PTPRG: variants seen among roughly 807,000 people sequenced by gnomAD.
PTPRG encodes protein tyrosine phosphatase receptor type G.
A neutral mutation model predicts 165.3 loss-of-function variants in PTPRG; 102 were observed. The observed-to-expected ratio is 0.62, with a 90% CI of 0.53 to 0.73. PTPRG has a LOEUF of 0.73. Ranked by LOEUF, PTPRG falls within the 30% of genes least tolerant of loss-of-function variation. PTPRG has a pLI of 0.00. For missense variants in PTPRG, 1,866 were observed against 1,861.4 expected (o/e 1.00, Z -0.05); for synonymous variants, 675 against 669.5 (o/e 1.01, Z -0.13).
At chr3:61,568,632 T>C (rs28439601) in intron 1 of PTPRG, among the ~76,000 whole-genome samples, 63,367 of 151,860 alleles carry the variant, frequency 0.42, 13,428 homozygotes, top group East Asian at 0.61. Flanking sequence ...TTTTTTGGCC[T>C]GGCATGGTGG....
At chr3:61,934,068 G>A (rs150911900) in intron 2 of PTPRG, among the ~76,000 whole-genome samples, 1 of 152,318 alleles carries the variant, frequency 6.6e-6, no homozygotes, top group African/African-American at 2.4e-5. Context: ...CTCACTTTGT[G>A]GGGACATTTA....
At chr3:62,011,530 C>T (rs1471981802) in intron 4 of PTPRG, among the ~76,000 whole-genome samples, 1 of 152,186 alleles carries the variant, frequency 6.6e-6, no homozygotes, top group Non-Finnish European at 1.5e-5. Flanking sequence ...CTAGTAGTGA[C>T]TTCCATCAAA....
chr3:62,073,309 A>T (rs1701270306), intron 4 of PTPRG, among the ~76,000 whole-genome samples: 1 of 152,206 alleles, frequency 6.6e-6, no homozygotes, highest in African/African-American at 2.4e-5. Context: ...TATTTATCTC[A>T]TGCCAAAGTA....
At chr3:61,684,298 C>T (rs1267190408) in intron 1 of PTPRG, among the ~76,000 whole-genome samples, 1 of 152,188 alleles carries the variant, frequency 6.6e-6, no homozygotes, top group African/African-American at 2.4e-5. Flanking sequence ...CCCCTCCAGG[C>T]TGTGCTGTCG....
chr3:61,601,471 T>A (rs1381036640), intron 1 of PTPRG, among the ~76,000 whole-genome samples: 2 of 152,198 alleles, frequency 1.3e-5, no homozygotes, highest in African/African-American at 4.8e-5. Context: ...ATTATATCCT[T>A]TGGGTAATCT....
chr3:62,130,657 T>A (rs139156244), intron 5 of PTPRG, among the ~76,000 whole-genome samples: 140 of 152,346 alleles, frequency 9.2e-4, no homozygotes, highest in African/African-American at 3.2e-3. Context: ...CTCTTGAAAC[T>A]TGGCCACTTT....
intron 5 of PTPRG, among the ~76,000 whole-genome samples, chr3:62,096,970 A>G (rs1167582990): frequency 1.3e-5 from 2 of 152,198 alleles, no homozygotes; most frequent in African/African-American, 4.8e-5. Context: ...TTACTAGCCC[A>G]TCTTAGAAAT....
intron 2 of PTPRG, among the ~76,000 whole-genome samples, chr3:61,753,866 G>A (rs1038785295): frequency 2.0e-5 from 3 of 152,112 alleles, no homozygotes; most frequent in African/African-American, 7.2e-5. Context: ...AAAGTGCTGG[G>A]ATTACAAGTG....
At chr3:61,633,859 G>A (rs903798294) in intron 1 of PTPRG, among the ~76,000 whole-genome samples, 2 of 150,830 alleles carry the variant, frequency 1.3e-5, no homozygotes, top group African/African-American at 4.9e-5. Context: ...CCTTTTTCAG[G>A]TTGAGGAAGT....
chr3:61,949,997 C>T (rs937561934), intron 2 of PTPRG, among the ~76,000 whole-genome samples: 4 of 152,176 alleles, frequency 2.6e-5, no homozygotes, highest in African/African-American at 4.8e-5. Flanking sequence ...CCGCCTGCCT[C>T]GCCCTCCCAA....
chr3:61,783,882 C>T (rs1277059108), intron 2 of PTPRG, among the ~76,000 whole-genome samples: 1 of 152,106 alleles, frequency 6.6e-6, no homozygotes, highest in Non-Finnish European at 1.5e-5. Flanking sequence ...TGACAGGGAT[C>T]TGTGCAGTGA....
chr3:62,205,439 G>A (rs956675717), intron 12 of PTPRG, among the ~76,000 whole-genome samples: 1 of 152,144 alleles, frequency 6.6e-6, no homozygotes, highest in Non-Finnish European at 1.5e-5. Context: ...TCTTCTCTTG[G>A]GGTTTGCATT....
intron 1 of PTPRG, among the ~76,000 whole-genome samples, chr3:61,582,899 C>CATG (rs1293288132): frequency 6.6e-6 from 1 of 152,102 alleles, no homozygotes; most frequent in East Asian, 1.9e-4. Flanking sequence ...AAGACTGAAG[C>CATG]TAATAACATG....
chr3:61,675,237 G>A (rs945292852), intron 1 of PTPRG, among the ~76,000 whole-genome samples: 1 of 152,072 alleles, frequency 6.6e-6, no homozygotes, highest in Non-Finnish European at 1.5e-5. Context: ...TATGTTGGTG[G>A]CTTGGATAAC....
intron 1 of PTPRG, among the ~76,000 whole-genome samples, chr3:61,578,379 A>T (rs1241049805): frequency 6.6e-6 from 1 of 152,210 alleles, no homozygotes; most frequent in Non-Finnish European, 1.5e-5. Flanking sequence ...GTATTTCATG[A>T]ATAGCCAAGC....
At chr3:62,080,235 ATTTTTTT>A (rs3068435) in intron 5 of PTPRG, among the ~76,000 whole-genome samples, 1 of 146,222 alleles carries the variant, frequency 6.8e-6, no homozygotes. Flanking sequence ...TGCCCAGCTA[ATTTTTTT>A]TTTTTGTATT....
intron 1 of PTPRG, among the ~76,000 whole-genome samples, chr3:61,654,876 G>T (rs1447185234): frequency 1.3e-5 from 2 of 150,694 alleles, no homozygotes; most frequent in Non-Finnish European, 2.9e-5. Flanking sequence ...CTGCCTCCCG[G>T]GTTCAAGAGA....
At chr3:61,979,283 C>T (rs753817960) in intron 2 of PTPRG, among the ~76,000 whole-genome samples, 5 of 152,166 alleles carry the variant, frequency 3.3e-5, no homozygotes, top group Non-Finnish European at 7.4e-5. Flanking sequence ...CTGCTCATCA[C>T]AGATGTTTTG....
chr3:61,873,694 C>T (rs2037646873), intron 2 of PTPRG, among the ~76,000 whole-genome samples: 1 of 152,096 alleles, frequency 6.6e-6, no homozygotes, highest in Non-Finnish European at 1.5e-5. Context: ...TTTTTGTCCA[C>T]TGTATTCTCT....
Sources: gnomAD v4.1 joint callset for allele counts (sites outside exome capture counted in the v4.1 genomes callset) on GRCh38, gnomAD v4.1.1 for gene constraint, MANE v1.5 for transcripts, NCBI Gene and HGNC (gene_info 2026-07-23, HGNC 2026-07-21) for gene names.